Variants in NCAM1 observed in about 807,000 individuals in gnomAD.
NCAM1 encodes antigen recognized by monoclonal antibody 5.1H11.
Under a neutral mutation model 109.8 loss-of-function variants are expected in NCAM1, and 14 were observed. The ratio of observed to expected loss-of-function variants is 0.13; its 90% confidence interval spans 0.08 to 0.20. The LOEUF (loss-of-function observed/expected upper bound fraction) is 0.20, where lower values mean the gene tolerates loss of function less well. Among genes scored for constraint, NCAM1 ranks in the 10% least tolerant of loss-of-function variants. The pLI is 1.00. For missense variants in NCAM1, 774 were observed against 1,109.9 expected, an observed-to-expected ratio of 0.70 and a Z score of 4.30; for synonymous variants, 418 against 442.9, an observed-to-expected ratio of 0.94 and a Z score of 0.70.
chr11:113,170,743 A>G (rs782677687), intron 1 of NCAM1, among the ~76,000 whole-genome samples: 8 of 152,168 alleles, frequency 5.3e-5, no homozygotes, highest in Non-Finnish European at 1.0e-4. Flanking sequence ...CTAAGGGCAA[A>G]AAGGTGTTTC....
intron 1 of NCAM1, among the ~76,000 whole-genome samples, chr11:113,085,459 A>T (rs1013120036): frequency 6.6e-6 from 1 of 152,182 alleles, no homozygotes; most frequent in African/African-American, 2.4e-5. Context: ...TTGAAAAGTG[A>T]TGGATATAGA....
intron 1 of NCAM1, among the ~76,000 whole-genome samples, chr11:113,145,650 T>C (rs1340047125): frequency 1.3e-5 from 2 of 152,182 alleles, no homozygotes; most frequent in Non-Finnish European, 2.9e-5. Flanking sequence ...GCTTTTAATA[T>C]TTTCCAAGTC....
chr11:113,160,669 A>T (rs1380140294), intron 1 of NCAM1, among the ~76,000 whole-genome samples: 1 of 152,202 alleles, frequency 6.6e-6, no homozygotes, highest in Non-Finnish European at 1.5e-5. Flanking sequence ...TTATTGTGCC[A>T]GTGGTTGCCC....
In NCAM1 at chr11:113,273,795, G is replaced by C. The variant is rs144710796; in HGVS notation, c.2457-1472G>C. The stretch of plus-strand genomic sequence containing the variant: ...TGTCATCGGGTTGTGTCCTGTGGTG[G>C]TGTGCATTTGTGCTGTGCTGTGTCC... On this transcript the variant is annotated intron_variant, in intron 19 of 19. Transcript: ENST00000316851. The surrounding 1 kb of genome is among the most constrained non-coding windows in gnomAD (Gnocchi z 6.0). 1.3e-3 allele frequency: 486 copies of C among 388,480 alleles called. 3 individuals carry two copies. Among genetic ancestry groups the C allele is most frequent in the Admixed American group, 3.5e-3 (125 of 36,050 alleles). 24.1% of individuals were successfully genotyped at this position (388,480 alleles called of 1,614,324 possible). A position where few individuals can be genotyped will look rare whatever the true frequency, so the allele number is the denominator to read the frequency against.
Position 112,962,171 on chromosome 11 carries a change from C to T in NCAM1, c.52+507C>T, listed in dbSNP as rs965866417. ...TTCCTGGGTCTAATAAAGTCAGGAT[C>T]GCTGCTTTGCTTCCCCCGCCCCAGA... On this transcript the variant is annotated intron_variant, in intron 1 of 19. Coordinates refer to ENST00000316851, the MANE Select transcript of NCAM1 (RefSeq NM_181351.5). This position sits in a 1 kb window ranked among gnomAD's most constrained non-coding sequence, Gnocchi z 5.6. Among the ~76,000 whole-genome samples the T allele has an allele frequency of 1.2e-4, 18 of 152,172 alleles. No individual in the cohort carries two copies. Among genetic ancestry groups the T allele is most frequent in the Non-Finnish European group, 2.2e-4 (15 of 68,012 alleles).
chr11:113,020,782 G>T (rs970381062), intron 1 of NCAM1, among the ~76,000 whole-genome samples: 10 of 152,010 alleles, frequency 6.6e-5, no homozygotes, highest in Non-Finnish European at 1.3e-4. Context: ...ATTGGAAGGG[G>T]TCTCACCTTG....
At chr11:113,090,025 A>G (rs1419518843) in intron 1 of NCAM1, among the ~76,000 whole-genome samples, 1 of 152,234 alleles carries the variant, frequency 6.6e-6, no homozygotes, top group Non-Finnish European at 1.5e-5. Context: ...AGTATCCTCA[A>G]AATTTGTAGG....
intron 1 of NCAM1, among the ~76,000 whole-genome samples, chr11:113,026,330 C>T (rs781966687): frequency 2.6e-5 from 4 of 152,232 alleles, no homozygotes; most frequent in South Asian, 4.2e-4. Context: ...ATGAAGTTAA[C>T]GTCGCAGTTA....
rs1565541395 is a variant in NCAM1, at chr11:113,270,533, A to G, written c.2339+138A>G. The G allele has an allele frequency of 5.1e-6, 4 of 780,136 alleles. No individual in the cohort carries two copies. In the East Asian group the frequency reaches 8.1e-5, roughly 16 times the overall value. The allele number at this position is 780,136 out of a possible 1,614,324, so 48.3% of individuals were successfully genotyped here. A position where few individuals can be genotyped will look rare whatever the true frequency, so the allele number is the denominator to read the frequency against. ...CTCCATTTGGAACCCTGATGGGGGAAAAACATTAGAGAAAAGTTTCTCAAA... is the reference window on the plus strand; with the variant it reads ...CTCCATTTGGAACCCTGATGGGGGAGAAACATTAGAGAAAAGTTTCTCAAA... On this transcript the variant is annotated intron_variant, in intron 18 of 19. Coordinates refer to ENST00000316851, the MANE Select transcript of NCAM1 (RefSeq NM_181351.5).
At chr11:113,165,518 G>A (rs910863893) in intron 1 of NCAM1, among the ~76,000 whole-genome samples, 3 of 152,066 alleles carry the variant, frequency 2.0e-5, no homozygotes, top group Non-Finnish European at 4.4e-5. Context: ...TTTAAAAGCA[G>A]GTTCAAGACT....
chr11:113,175,526 A>G (rs919950699), intron 1 of NCAM1, among the ~76,000 whole-genome samples: 3 of 152,172 alleles, frequency 2.0e-5, no homozygotes. Flanking sequence ...GGTGTGGTAT[A>G]TTTCAATATG....
intron 1 of NCAM1, among the ~76,000 whole-genome samples, chr11:113,087,018 A>C (rs1939122724): frequency 6.6e-6 from 1 of 152,246 alleles, no homozygotes; most frequent in Non-Finnish European, 1.5e-5. Flanking sequence ...TGTGCAGATT[A>C]GTTCAAGCCT....
intron 13 of NCAM1, among the ~76,000 whole-genome samples, chr11:113,234,784 G>T (rs1448346592): frequency 2.0e-5 from 3 of 152,122 alleles, no homozygotes; most frequent in African/African-American, 4.8e-5. Flanking sequence ...TGTTTGGTCT[G>T]CCATCTGTAT....
At chr11:113,178,073 G>A (rs1943223194) in intron 1 of NCAM1, among the ~76,000 whole-genome samples, 1 of 152,120 alleles carries the variant, frequency 6.6e-6, no homozygotes, top group South Asian at 2.1e-4. Context: ...TCCAAGAAAC[G>A]AACATGAGAT....
chr11:113,186,630 G>T (rs147058795), intron 1 of NCAM1, among the ~76,000 whole-genome samples: 2 of 152,296 alleles, frequency 1.3e-5, no homozygotes, highest in African/African-American at 4.8e-5. Flanking sequence ...AGATGGCCCC[G>T]CATCGGCACT....
intron 17 of NCAM1, among the ~76,000 whole-genome samples, chr11:113,262,240 G>T (rs533281760): frequency 1.7e-3 from 262 of 152,322 alleles, no homozygotes; most frequent in African/African-American, 5.5e-3. Flanking sequence ...TGGGACTTGT[G>T]CCATAGGAAG....
intron 1 of NCAM1, among the ~76,000 whole-genome samples, chr11:113,052,464 C>T (rs979719336): frequency 4.6e-5 from 7 of 152,042 alleles, no homozygotes; most frequent in African/African-American, 1.7e-4. Flanking sequence ...GCACCTCCAC[C>T]CCTCTAGAGA....
At chr11:113,108,590 T>G (rs1555092988) in intron 1 of NCAM1, among the ~76,000 whole-genome samples, 1 of 152,190 alleles carries the variant, frequency 6.6e-6, no homozygotes, top group East Asian at 1.9e-4. Flanking sequence ...CAAAAAGTTC[T>G]TTGTTAACCT....
At chr11:112,978,060 C>A (rs12280512) in intron 1 of NCAM1, among the ~76,000 whole-genome samples, 22 of 151,820 alleles carry the variant, frequency 1.4e-4, no homozygotes, top group African/African-American at 5.3e-4. Flanking sequence ...GGATCCTGAA[C>A]GTTGGGGTGA....
Sources: gnomAD v4.1 joint callset for allele counts (sites outside exome capture counted in the v4.1 genomes callset) on GRCh38, gnomAD v4.1.1 for gene constraint, Gnocchi (gnomAD v3.1) non-coding constraint, MANE v1.5 for transcripts, NCBI Gene and HGNC (gene_info 2026-07-23, HGNC 2026-07-21) for gene names.